GPR157: variants seen among roughly 807,000 people sequenced by gnomAD.
GPR157 encodes the protein G-protein coupled receptor 157.
In GPR157, 16 loss-of-function variants were observed where a neutral mutation model predicts 23.5. The observed-to-expected ratio is 0.68, with a 90% CI of 0.46 to 1.04. The LOEUF (loss-of-function observed/expected upper bound fraction) is 1.04, where lower values mean the gene tolerates loss of function less well. Among genes scored for constraint, GPR157 ranks in the 50% least tolerant of loss-of-function variants. GPR157 has a pLI of 0.00. For synonymous variants in GPR157, 200 were observed against 221.5 expected (o/e 0.90, Z 0.86); for missense variants, 440 against 460.7 (o/e 0.96, Z 0.41).
chr1:9,112,864 A>G (rs1000099860), intron 1 of GPR157, among the ~76,000 whole-genome samples: 3 of 152,170 alleles, frequency 2.0e-5, no homozygotes. Context: ...GGAGCACACA[A>G]AGGCTATAGT....
In GPR157 at chr1:9,120,989, A is replaced by T. The variant is rs1638785788; in HGVS notation, c.383+7656T>A. On this transcript the variant is annotated intron_variant, in intron 1 of 3. Coordinates refer to ENST00000377411, the MANE Select transcript of GPR157 (RefSeq NM_024980.5). This position sits in a 1 kb window ranked among gnomAD's most constrained non-coding sequence, Gnocchi z 4.1. ...ATGCCACTGCCTGGGGAGACGGGCC[A>T]GCTCTGCCACTGGCTTGTCCTTGCA... 6.6e-6 allele frequency among the ~76,000 whole-genome samples: 1 copy of T among 152,228 alleles called. No individual in the cohort carries two copies. The highest frequency in any genetic ancestry group is 1.9e-4 in the East Asian group (1 of 5,208).
chr1:9,104,471 G>A lies in GPR157; in HGVS notation c.956C>T (p.Pro319Leu), dbSNP rs771231884. 1.9e-6 allele frequency: 3 copies of A among 1,613,932 alleles called. No homozygotes were observed. Among genetic ancestry groups the A allele is most frequent in the Non-Finnish European group, 2.5e-6 (3 of 1,179,980 alleles). ...CCCTTGGGATTCCTGAGATTCTCCT[G>A]GCTTGGAAGGCGCGGGAGCCTTGGG... ...GTPKAPAPSK[P>L]GESQESQGTP... Residue 319 changes from proline (P) to leucine (L), a missense_variant, in exon 4 of 4, where the codon CCA (proline) becomes CTA (leucine). Coordinates refer to ENST00000377411, the MANE Select transcript of GPR157 (RefSeq NM_024980.5).
At chr1:9,123,722 A>ACAT in intron 1 of GPR157, among the ~76,000 whole-genome samples, 1 of 117,250 alleles carries the variant, frequency 8.5e-6, no homozygotes, top group Non-Finnish European at 1.6e-5. Flanking sequence ...GTATTTATAT[A>ACAT]TAATTTTAAA....
At chr1:9,107,423 G>A (rs1018016078) in intron 2 of GPR157, among the ~76,000 whole-genome samples, 2 of 152,128 alleles carry the variant, frequency 1.3e-5, no homozygotes, top group East Asian at 1.9e-4. Flanking sequence ...AGGATCGCTT[G>A]AGCCCAGAAA....
intron 2 of GPR157, among the ~76,000 whole-genome samples, chr1:9,110,178 T>C (rs1189231694): frequency 6.6e-6 from 1 of 152,212 alleles, no homozygotes; most frequent in Admixed American, 6.5e-5. Context: ...GTCCTCAAGA[T>C]GAACTCCCAT....
At chr1:9,115,927 G>A (rs1434378663) in intron 1 of GPR157, among the ~76,000 whole-genome samples, 5 of 148,622 alleles carry the variant, frequency 3.4e-5, no homozygotes, top group African/African-American at 1.2e-4. Flanking sequence ...GAGTTGAGCA[G>A]TTACAACTGA....
At chr1:9,115,032 G>A (rs966718765) in intron 1 of GPR157, among the ~76,000 whole-genome samples, 20 of 152,136 alleles carry the variant, frequency 1.3e-4, no homozygotes, top group Non-Finnish European at 2.4e-4. Context: ...CTGCCAGAGG[G>A]TGGTATTTGA....
rs755338126 is a variant in GPR157 at position 9,105,416 on chromosome 1, C to T, written c.792+70G>A. ...CCGACACTGGGGTGCAGCCACTGTGCTGCGGGAAGGAATCAGGCTGTGCCT... is the reference window on the plus strand; with the variant it reads ...CCGACACTGGGGTGCAGCCACTGTGTTGCGGGAAGGAATCAGGCTGTGCCT... On this transcript the variant is annotated intron_variant, in intron 3 of 3. Transcript: ENST00000377411. This position sits in a 1 kb window ranked among gnomAD's most constrained non-coding sequence, Gnocchi z 4.8. The T allele has an allele frequency of 2.8e-5, 39 of 1,394,460 alleles. No individual in the cohort carries two copies. Among genetic ancestry groups the T allele is most frequent in the Non-Finnish European group, 3.6e-5 (37 of 1,031,164 alleles). 86.4% of individuals were successfully genotyped at this position (1,394,460 alleles called of 1,614,324 possible). A position where few individuals can be genotyped will look rare whatever the true frequency, so the allele number is the denominator to read the frequency against.
Position 9,129,006 on chromosome 1 carries a change from T to C in GPR157, c.22A>G (p.Thr8Ala), listed in dbSNP as rs1569987055. ...GCGCGCTCCGACGGCACCAGCTCGG[T>C]GGGCGGCGGGGACGGCTGCATGGCG... MQPSPPP[T>A]ELVPSERAVV... The change falls in exon 1 of 4, where the codon ACC (threonine) becomes GCC (alanine). Residue 8 changes from threonine to alanine, a missense_variant. Transcript: ENST00000377411. 6 of 1,309,802 alleles carry C rather than the reference T, an allele frequency of 4.6e-6. No individual in the cohort carries two copies. Among genetic ancestry groups the C allele is most frequent in the Admixed American group, 8.2e-5 (2 of 24,530 alleles). 81.1% of individuals were successfully genotyped at this position (1,309,802 alleles called of 1,614,324 possible).
rs749346967 is a variant in GPR157 at position 9,104,606 on chromosome 1, G to C, written c.821C>G (p.Ala274Gly). ...HGIGNTFQGG[A>G]NCIMFVLCTR... ...GCAGAGGACGAACATGATGCAGTTG[G>C]CACCTCCCTGAAACGTGTTCCCGAT... Residue 274 changes from alanine (A) to glycine (G), a missense_variant, in exon 4 of 4, where the codon GCC (alanine) becomes GGC (glycine). By Grantham distance (60) the Ala-to-Gly change is moderately conservative (BLOSUM62 0). Transcript: ENST00000377411. 6.2e-7 allele frequency: 1 copy of C among 1,610,944 alleles called. No homozygotes were observed. The highest frequency in any genetic ancestry group is 1.7e-5 in the Admixed American group (1 of 59,564).
chr1:9,122,643 C>G (rs1345342999), intron 1 of GPR157, among the ~76,000 whole-genome samples: 1 of 152,110 alleles, frequency 6.6e-6, no homozygotes, highest in Non-Finnish European at 1.5e-5. Context: ...ACATGCACAA[C>G]CTGAACCCAC....
rs1056535278 is a variant in GPR157 at position 9,101,944 on chromosome 1, G to A, written c.*2475C>T. ...CCTGAATTTTCGCTCCCTTCTAGAA[G>A]CTCAAGTGAGGGTCTTTACCAGAGA... is the stretch of plus-strand genomic sequence containing the variant. On this transcript the variant is annotated 3_prime_UTR_variant, in exon 4 of 4. Coordinates refer to ENST00000377411, the MANE Select transcript of GPR157 (RefSeq NM_024980.5). 6.6e-6 allele frequency: 1 copy of A among 152,322 alleles called. No homozygotes were observed. Among genetic ancestry groups the A allele is most frequent in the East Asian group, 1.9e-4 (1 of 5,186 alleles). 9.4% of individuals were successfully genotyped at this position (152,322 alleles called of 1,614,324 possible).
At chr1:9,117,622 C>T (rs113935167) in intron 1 of GPR157, among the ~76,000 whole-genome samples, 3 of 152,252 alleles carry the variant, frequency 2.0e-5, no homozygotes, top group Non-Finnish European at 2.9e-5. Flanking sequence ...ATTAGCCGGA[C>T]GTGGTGGTGG....
Position 9,105,034 on chromosome 1 carries a change from A to AACACACACACACACACATAC in GPR157, c.793-401_793-400insGTATGTGTGTGTGTGTGTGT, listed in dbSNP as rs1638256245. Among the ~76,000 whole-genome samples the AACACACACACACACACATAC allele has an allele frequency of 8.5e-6, 1 of 116,966 alleles. No individual in the cohort carries two copies. Among genetic ancestry groups the AACACACACACACACACATAC allele is most frequent in the African/African-American group, 3.4e-5 (1 of 29,780 alleles). 76.7% of individuals were successfully genotyped at this position (116,966 alleles called of 152,430 possible). A position where few individuals can be genotyped will look rare whatever the true frequency, so the allele number is the denominator to read the frequency against. On this transcript the variant is annotated intron_variant, in intron 3 of 3. Coordinates refer to ENST00000377411, the MANE Select transcript of GPR157 (RefSeq NM_024980.5). The surrounding 1 kb of genome is among the most constrained non-coding windows in gnomAD (Gnocchi z 4.8). ...CCCCAAAAAAGAGAAATGGCTGAGA[A>AACACACACACACACACATAC]ACACACACACACACACACACACACA...
chr1:9,107,236 C>G (rs1264709808), intron 2 of GPR157, among the ~76,000 whole-genome samples: 1 of 152,172 alleles, frequency 6.6e-6, no homozygotes. Context: ...TGAGCTCGAG[C>G]CAGACTTGGC....
chr1:9,105,012 CA>C lies in GPR157; in HGVS notation c.793-379del, dbSNP rs397947656. On this transcript the variant is annotated intron_variant, in intron 3 of 3. Transcript: ENST00000377411. The surrounding 1 kb of genome is among the most constrained non-coding windows in gnomAD (Gnocchi z 4.8). ...CAGACTCTGTCCCCGCACCCCCCCC[CA>C]AAAAAGAGAAATGGCTGAGAAACAC... Among the ~76,000 whole-genome samples, 6 of 140,436 alleles carry C rather than the reference CA, an allele frequency of 4.3e-5. No homozygotes were observed. The highest frequency in any genetic ancestry group is 9.3e-5 in the Non-Finnish European group (6 of 64,560). 92.1% of individuals were successfully genotyped at this position (140,436 alleles called of 152,430 possible).
chr1:9,112,852 A>C (rs1417555361), intron 1 of GPR157, among the ~76,000 whole-genome samples: 1 of 152,196 alleles, frequency 6.6e-6, no homozygotes. Context: ...TTACATAGCA[A>C]TGGAGCACAC....
At position 9,128,465 on chromosome 1, in the gene GPR157, G is replaced by A. The variant is rs1230643016; in HGVS notation, c.383+180C>T. On this transcript the variant is annotated intron_variant, in intron 1 of 3. Coordinates refer to ENST00000377411, the MANE Select transcript of GPR157 (RefSeq NM_024980.5). This position sits in a 1 kb window ranked among gnomAD's most constrained non-coding sequence, Gnocchi z 6.3. ...CACAGCGGGGCTCCTTCGGGAGGGA[G>A]CGAATCTCGGGCAAGGCTGGCCTCC... is the stretch of plus-strand genomic sequence containing the variant. The A allele has an allele frequency of 2.9e-6, 2 of 688,254 alleles. No individual in the cohort carries two copies. The highest frequency in any genetic ancestry group is 5.2e-6 in the Non-Finnish European group (2 of 385,654). The allele number at this position is 688,254 out of a possible 1,614,324, so 42.6% of individuals were successfully genotyped here.
intron 1 of GPR157, among the ~76,000 whole-genome samples, chr1:9,123,320 AATATATATATTTAAT>A (rs1638859639): frequency 4.1e-5 from 1 of 24,582 alleles, no homozygotes; most frequent in African/African-American, 1.5e-4. Flanking sequence ...TATATATTAA[AATATATATATTTAAT>A]TTAAATATAT....
Sources: gnomAD v4.1 joint callset for allele counts (sites outside exome capture counted in the v4.1 genomes callset) on GRCh38, gnomAD v4.1.1 for gene constraint, Gnocchi (gnomAD v3.1) non-coding constraint, MANE v1.5 for transcripts, NCBI Gene and HGNC (gene_info 2026-07-23, HGNC 2026-07-21) for gene names.